PLEKHA5: variants seen among roughly 807,000 people sequenced by gnomAD.
The protein encoded by PLEKHA5 is pleckstrin homology domain containing A5.
Under a neutral mutation model 181.9 loss-of-function variants are expected in PLEKHA5, and 55 were observed. The ratio of observed to expected loss-of-function variants is 0.30; its 90% confidence interval spans 0.24 to 0.38. The LOEUF (loss-of-function observed/expected upper bound fraction) is 0.38. Among genes scored for constraint, PLEKHA5 ranks in the 10% least tolerant of loss-of-function variants. The pLI is 1.00. For synonymous variants in PLEKHA5, 535 were observed against 529.4 expected (o/e 1.01, Z -0.15); for missense variants, 1,432 against 1,549.5 (o/e 0.92, Z 1.27).
At chr12:19,303,591 C>T (rs1482935307) in intron 15 of PLEKHA5, 2 of 152,026 alleles carry the variant, frequency 1.3e-5, no homozygotes, top group African/African-American at 2.4e-5. Flanking sequence ...GATCAGGTGT[C>T]CACACTAAGT....
chr12:19,275,778 AT>A lies in PLEKHA5; in HGVS notation c.1313+796del, dbSNP rs886375981. ...TGAGAACCCAACTCTAAAAAAAAAA[AT>A]GTAAATATATTTATATGAGCATTTA... is the stretch of plus-strand genomic sequence containing the variant. On this transcript the variant is annotated intron_variant, in intron 11 of 31. Transcript: ENST00000429027. Among the ~76,000 whole-genome samples the A allele has an allele frequency of 3.9e-5, 6 of 152,280 alleles. 1 individual carries two copies. The highest frequency in any genetic ancestry group is 5.9e-5 in the Non-Finnish European group (4 of 68,034).
chr12:19,230,621 TG>T (rs1402564628), intron 3 of PLEKHA5, among the ~76,000 whole-genome samples: 1 of 152,160 alleles, frequency 6.6e-6, no homozygotes, highest in East Asian at 1.9e-4. Context: ...CCTCACTGCC[TG>T]GGGCCAGCAA....
intron 21 of PLEKHA5, among the ~76,000 whole-genome samples, chr12:19,342,673 A>G (rs1045531003): frequency 1.3e-5 from 2 of 152,082 alleles, no homozygotes; most frequent in Non-Finnish European, 2.9e-5. Context: ...ACTACTGAGG[A>G]AGCTGAGGCA....
At chr12:19,291,583 C>T (rs747891583) in intron 14 of PLEKHA5, 61 bp from the exon 15 acceptor site, 191 of 975,018 alleles carry the variant, frequency 2.0e-4, no homozygotes, top group Admixed American at 4.4e-4. Flanking sequence ...CCAAAATTGA[C>T]CTTTTCTTGA....
chr12:19,316,437 GA>G (rs60829228), intron 16 of PLEKHA5, among the ~76,000 whole-genome samples: 3 of 150,154 alleles, frequency 2.0e-5, no homozygotes, highest in African/African-American at 7.5e-5. Context: ...TGAGGGGGGG[GA>G]AAGTGAAGAT....
intron 21 of PLEKHA5, among the ~76,000 whole-genome samples, chr12:19,337,568 AAG>A: frequency 1.3e-5 from 2 of 151,366 alleles, no homozygotes; most frequent in Admixed American, 1.3e-4. Flanking sequence ...AAAAAAAAAA[AAG>A]AAATAATAAT....
chr12:19,338,455 AC>A (rs1226552409), intron 21 of PLEKHA5, among the ~76,000 whole-genome samples: 1 of 151,992 alleles, frequency 6.6e-6, no homozygotes, highest in African/African-American at 2.4e-5. Flanking sequence ...CCCCACCTCT[AC>A]AAAAATACAA....
intron 3 of PLEKHA5, among the ~76,000 whole-genome samples, chr12:19,157,561 A>G (rs1196339974): frequency 1.3e-5 from 2 of 151,912 alleles, no homozygotes; most frequent in Non-Finnish European, 2.9e-5. Context: ...TTTGTGTATT[A>G]TCTTCTGTTT....
chr12:19,303,499 G>C (rs765326246), intron 15 of PLEKHA5: 1 of 152,186 alleles, frequency 6.6e-6, no homozygotes, highest in Non-Finnish European at 1.5e-5. Flanking sequence ...GTGGCGCAAG[G>C]CTATATAGTC....
At chr12:19,280,990 C>T (rs71463033) in intron 11 of PLEKHA5, among the ~76,000 whole-genome samples, 1,742 of 152,092 alleles carry the variant, frequency 0.011, 27 homozygotes, top group Middle Eastern at 0.024. Context: ...GGATTACAGG[C>T]GCAAGCCACC....
rs563047837 is a variant in PLEKHA5 at position 19,305,704 on chromosome 12, C to G, written c.2038-9110C>G. Among the ~76,000 whole-genome samples, 69 of 151,402 alleles carry G rather than the reference C, an allele frequency of 4.6e-4. 1 individual carries two copies. The South Asian group carries it at 0.014, about 31-fold the overall frequency. ...AGAAACCCCGTCTCTACTAAAAATA[C>G]AAAAAATTAACTGGGCATTGTGGCA... On this transcript the variant is annotated intron_variant, in intron 15 of 31. Coordinates refer to ENST00000429027, the MANE Select transcript of PLEKHA5 (RefSeq NM_001256470.2).
intron 15 of PLEKHA5, among the ~76,000 whole-genome samples, chr12:19,306,090 A>G (rs1056221696): frequency 3.9e-5 from 6 of 152,102 alleles, no homozygotes; most frequent in Middle Eastern, 3.4e-3. Flanking sequence ...AAAAAAAAAC[A>G]AGTTATTCGT....
chr12:19,209,856 C>G (rs2056554042), intron 3 of PLEKHA5, among the ~76,000 whole-genome samples: 1 of 152,132 alleles, frequency 6.6e-6, no homozygotes, highest in Admixed American at 6.5e-5. Context: ...GAAAGTTAGT[C>G]AAAGCTTTAG....
intron 31 of PLEKHA5, among the ~76,000 whole-genome samples, chr12:19,375,110 G>A (rs140136853): frequency 0.017 from 2,513 of 151,920 alleles, 41 homozygotes; most frequent in Middle Eastern, 0.092. Flanking sequence ...GATCAGTTGA[G>A]GCCAGGGGTT....
chr12:19,347,192 T>A lies in PLEKHA5; in HGVS notation c.2898+10T>A. On this transcript the variant is annotated intron_variant, in intron 24 of 31. Coordinates refer to ENST00000429027, the MANE Select transcript of PLEKHA5 (RefSeq NM_001256470.2). ...AAATGGATCTCACTGTGTAAGTGGC[T>A]GGAATAGCCACAGAATAATCAATCC... 1 of 1,475,400 alleles carries A rather than the reference T, an allele frequency of 6.8e-7. No homozygotes were observed. Among genetic ancestry groups the A allele is most frequent in the Non-Finnish European group, 9.2e-7 (1 of 1,082,020 alleles). The allele number at this position is 1,475,400 out of a possible 1,614,324, so 91.4% of individuals were successfully genotyped here. A position where few individuals can be genotyped will look rare whatever the true frequency, so the allele number is the denominator to read the frequency against.
At chr12:19,264,648 T>C (rs2069689770) in intron 7 of PLEKHA5, among the ~76,000 whole-genome samples, 1 of 152,168 alleles carries the variant, frequency 6.6e-6, no homozygotes, top group Admixed American at 6.6e-5. Context: ...CAAAATTTTG[T>C]TCCATTGCTA....
At position 19,348,422 on chromosome 12, in the gene PLEKHA5, G is replaced by C. The variant is rs1355425779; in HGVS notation, c.2922G>C (p.Lys974Asn). ...SHCGPDYRLY[K>N]SEPELTTVAE... ...AGGGTCCAGATTATAGACTCTACAA[G>C]AGTGAACCAGAGTTAACAACAGTGG... Residue 974 changes from lysine to asparagine, a missense_variant, in exon 25 of 32, where the codon AAG becomes AAC. This residue lies in a region of PLEKHA5 where 1,143 missense variants were observed against 1,168.4 expected (regional missense o/e 0.98). Transcript: ENST00000429027. 2 of 1,585,584 alleles carry C rather than the reference G, an allele frequency of 1.3e-6. No homozygotes were observed.
At chr12:19,200,273 T>TA (rs1035389343) in intron 3 of PLEKHA5, 1,025 of 1,301,136 alleles carry the variant, frequency 7.9e-4, no homozygotes, top group Non-Finnish European at 8.9e-4. Context: ...TATGTACCAA[T>TA]AAAAAAAAAT....
chr12:19,357,865 C>G (rs1191173270), intron 26 of PLEKHA5, among the ~76,000 whole-genome samples: 1 of 152,070 alleles, frequency 6.6e-6, no homozygotes, highest in Non-Finnish European at 1.5e-5. Flanking sequence ...GTCTCAAACT[C>G]CTGGGCTCAA....
Sources: gnomAD v4.1 joint callset for allele counts (sites outside exome capture counted in the v4.1 genomes callset) on GRCh38, gnomAD v4.1.1 for gene constraint, gnomAD v4.1.1 regional missense constraint, MANE v1.5 for transcripts, NCBI Gene and HGNC (gene_info 2026-07-23, HGNC 2026-07-21) for gene names.